Variants in MGA observed in about 807,000 individuals in gnomAD.
MGA encodes MAX dimerization protein MGA.
In MGA, 40 loss-of-function variants were observed where a neutral mutation model predicts 261.1. The observed-to-expected ratio is 0.15, with a 90% CI of 0.12 to 0.20. The LOEUF is 0.20. Among genes scored for constraint, MGA ranks in the 10% least tolerant of loss-of-function variants. MGA has a pLI of 1.00. For synonymous variants in MGA, 1,302 were observed against 1,290.6 expected (o/e 1.01, Z -0.19); for missense variants, 3,397 against 3,630.5 (o/e 0.94, Z 1.65).
chr15:41,673,310 T>A (rs1019876990), intron 2 of MGA, among the ~76,000 whole-genome samples: 11 of 152,058 alleles, frequency 7.2e-5, no homozygotes, highest in African/African-American at 2.4e-4. Context: ...CTCTGCCTCC[T>A]GGGTTCAAGC....
At chr15:41,647,817 G>A (rs563051868) in intron 1 of MGA, among the ~76,000 whole-genome samples, 1 of 152,002 alleles carries the variant, frequency 6.6e-6, no homozygotes, top group Admixed American at 6.6e-5. Flanking sequence ...AATATTTTGG[G>A]GGATTACATA....
intron 1 of MGA, among the ~76,000 whole-genome samples, chr15:41,643,492 G>A (rs1350657026): frequency 2.0e-5 from 3 of 151,414 alleles, no homozygotes; most frequent in East Asian, 1.9e-4. Context: ...TGCCTGCCTC[G>A]ACCTCCCAAA....
At chr15:41,682,161 C>A (rs2151105998) in intron 2 of MGA, among the ~76,000 whole-genome samples, 1 of 152,256 alleles carries the variant, frequency 6.6e-6, no homozygotes, top group Non-Finnish European at 1.5e-5. Flanking sequence ...AGGTGATCTG[C>A]CTGCCTCAGC....
chr15:41,758,207 G>T (rs537435120), intron 19 of MGA, among the ~76,000 whole-genome samples: 1 of 152,060 alleles, frequency 6.6e-6, no homozygotes, highest in Non-Finnish European at 1.5e-5. Flanking sequence ...CTGCAAAATG[G>T]CTAGCAGTTA....
At chr15:41,716,291 CAA>C (rs879551084) in intron 9 of MGA, among the ~76,000 whole-genome samples, 3 of 135,290 alleles carry the variant, frequency 2.2e-5, no homozygotes, top group Admixed American at 7.5e-5. Flanking sequence ...ACTAAAAATA[CAA>C]AAAAAAAAAA....
chr15:41,687,054 G>T (rs1299546677), intron 2 of MGA, among the ~76,000 whole-genome samples: 6 of 151,674 alleles, frequency 4.0e-5, no homozygotes, highest in African/African-American at 9.7e-5. Flanking sequence ...TTATGTATTT[G>T]ATAGAATTTA....
chr15:41,714,358 TTTTC>T (rs1444730336), intron 9 of MGA, among the ~76,000 whole-genome samples: 2 of 152,196 alleles, frequency 1.3e-5, no homozygotes, highest in Non-Finnish European at 2.9e-5. Flanking sequence ...CCTTTTTGGG[TTTTC>T]TTTATTATAA....
chr15:41,736,146 T>C (rs547658022), intron 12 of MGA, 35 bp from the exon 13 acceptor site: 8 of 1,438,556 alleles, frequency 5.6e-6, no homozygotes, highest in Admixed American at 5.3e-5. Flanking sequence ...AAATAATCTT[T>C]CAACTTTTTC....
At chr15:41,682,141 T>C (rs983956009) in intron 2 of MGA, among the ~76,000 whole-genome samples, 2 of 152,148 alleles carry the variant, frequency 1.3e-5, no homozygotes, top group African/African-American at 4.8e-5. Context: ...GGTCTCGAAC[T>C]CCTGACCTCA....
intron 1 of MGA, among the ~76,000 whole-genome samples, chr15:41,627,288 T>A (rs906471046): frequency 6.6e-6 from 1 of 152,256 alleles, no homozygotes; most frequent in African/African-American, 2.4e-5. Context: ...CTAATGTCAC[T>A]TTCTTGTTTC....
chr15:41,637,890 G>A (rs2056741011), intron 1 of MGA, among the ~76,000 whole-genome samples: 2 of 151,526 alleles, frequency 1.3e-5, no homozygotes, highest in Admixed American at 6.6e-5. Context: ...GATTACAGGT[G>A]CCTGCCACCC....
chr15:41,690,553 A>G (rs1253966887), intron 2 of MGA, among the ~76,000 whole-genome samples: 2 of 152,074 alleles, frequency 1.3e-5, no homozygotes, highest in Non-Finnish European at 2.9e-5. Flanking sequence ...ATCTAGTCTT[A>G]ATGTCAATAT....
At chr15:41,664,192 T>C (rs2150874494) in intron 1 of MGA, among the ~76,000 whole-genome samples, 1 of 152,358 alleles carries the variant, frequency 6.6e-6, no homozygotes, top group East Asian at 1.9e-4. Flanking sequence ...TTCAGGCACA[T>C]TTTTACATTT....
upstream of MGA, among the ~76,000 whole-genome samples, chr15:41,656,781 T>G (rs905115341): frequency 6.6e-6 from 1 of 152,190 alleles, no homozygotes; most frequent in South Asian, 2.1e-4. Context: ...TTTTCTTTCT[T>G]TAAGAGACAG....
chr15:41,715,099 A>G (rs1265616678), intron 9 of MGA, among the ~76,000 whole-genome samples: 2 of 141,462 alleles, frequency 1.4e-5, no homozygotes, highest in African/African-American at 5.2e-5. Context: ...AAGCAGTGAT[A>G]GTTAAACTTG....
chr15:41,742,238 A>G (rs1030341068), intron 14 of MGA, among the ~76,000 whole-genome samples: 5 of 151,536 alleles, frequency 3.3e-5, no homozygotes, highest in African/African-American at 1.2e-4. Context: ...AAATACAAAA[A>G]TTAGCTGGGT....
chr15:41,647,571 A>G (rs974450856), intron 1 of MGA, among the ~76,000 whole-genome samples: 2 of 151,404 alleles, frequency 1.3e-5, no homozygotes, highest in African/African-American at 4.9e-5. Flanking sequence ...ACTCTCATCT[A>G]TTTTTCTCTT....
chr15:41,646,708 A>G (rs1305972347), intron 1 of MGA, among the ~76,000 whole-genome samples: 1 of 151,276 alleles, frequency 6.6e-6, no homozygotes, highest in African/African-American at 2.4e-5. Flanking sequence ...AGACTCTGTC[A>G]CCCCCCGCCC....
chr15:41,727,310 A>T lies in MGA; in HGVS notation c.3561A>T (p.Leu1187Phe). The stretch of plus-strand genomic sequence containing the variant: ...TCATTGAGCCTATGAAACCATTGTT[A>T]TTGCCTCAGCCAGAAGTTTTATCTC... Residue 1187 changes from leucine to phenylalanine, a missense_variant, in exon 10 of 24, where the codon TTA (leucine) becomes TTT (phenylalanine). Coordinates refer to ENST00000219905, the MANE Select transcript of MGA (RefSeq NM_001164273.2). The T allele has an allele frequency of 1.2e-6, 2 of 1,613,980 alleles. No individual in the cohort carries two copies. Among genetic ancestry groups the T allele is most frequent in the Non-Finnish European group, 1.7e-6 (2 of 1,179,886 alleles).
Sources: gnomAD v4.1 joint callset for allele counts (sites outside exome capture counted in the v4.1 genomes callset) on GRCh38, gnomAD v4.1.1 for gene constraint, MANE v1.5 for transcripts, NCBI Gene and HGNC (gene_info 2026-07-23, HGNC 2026-07-21) for gene names.